The following RALB variants were observed in gnomAD, a reference collection of about 807,000 sequenced individuals.
RALB encodes RAS like proto-oncogene B.
RALB carries 16 observed loss-of-function variants against 21.3 expected under a neutral mutation model. The observed-to-expected ratio is 0.75, with a 90% confidence interval of 0.51 to 1.14. The LOEUF is 1.14. Ranked by LOEUF, RALB falls within the 50% of genes most tolerant of loss-of-function variation. The pLI, the probability that RALB is intolerant of heterozygous loss-of-function variation, is 0.00. For missense variants in RALB, 161 were observed against 256.2 expected (o/e 0.63, Z 2.54); for synonymous variants, 93 against 96.1 (o/e 0.97, Z 0.19).
At chr2:120,280,497 C>G (rs1429262665) in intron 2 of RALB, among the ~76,000 whole-genome samples, 2 of 121,748 alleles carry the variant, frequency 1.6e-5, no homozygotes, top group East Asian at 5.1e-4. Flanking sequence ...GGGAGTTGAA[C>G]AATGAGAACG....
chr2:120,246,541 C>G (rs1190885658), intron 1 of RALB, among the ~76,000 whole-genome samples: 4 of 152,262 alleles, frequency 2.6e-5, no homozygotes, highest in South Asian at 2.1e-4. Flanking sequence ...TCCTCCTCCC[C>G]CTTCCTAACT....
chr2:120,287,401 T>C (rs182643917), intron 3 of RALB, among the ~76,000 whole-genome samples: 2 of 152,366 alleles, frequency 1.3e-5, no homozygotes, highest in East Asian at 3.9e-4. Context: ...GTTCTGTTAA[T>C]TTTTAGACAT....
rs919895453 is a variant in RALB, at chr2:120,252,985, G to A, written c.-48+5G>A. On this transcript the variant is annotated splice_donor_5th_base_variant and intron_variant, in intron 1 of 4. Transcript: ENST00000272519. ...AGGCGGCGGGACTGGTCCCTGGTAA[G>A]GGCGCGGCGCCCGCGGGCCCCGGGC... is the stretch of plus-strand genomic sequence containing the variant. 27 of 985,198 alleles carry A rather than the reference G, an allele frequency of 2.7e-5. No homozygotes were observed. The East Asian group carries it at 5.7e-4, about 21-fold the overall frequency. The allele number at this position is 985,198 out of a possible 1,614,324, so 61.0% of individuals were successfully genotyped here.
At chr2:120,254,360 C>G (rs999084683) in intron 1 of RALB, among the ~76,000 whole-genome samples, 3 of 152,370 alleles carry the variant, frequency 2.0e-5, no homozygotes, top group African/African-American at 7.2e-5. Flanking sequence ...CTGACCACAT[C>G]TGGGGCTTTC....
At chr2:120,292,992 C>A in intron 4 of RALB, 149 bp from the exon 5 acceptor site, 2 of 767,114 alleles carry the variant, frequency 2.6e-6, no homozygotes, top group Non-Finnish European at 3.7e-6. Flanking sequence ...TGACTTTGTG[C>A]TTTAAAATGT....
chr2:120,278,523 G>C, intron 1 of RALB, 95 bp from the exon 2 acceptor site: 1 of 1,170,600 alleles, frequency 8.5e-7, no homozygotes, highest in Middle Eastern at 2.1e-4. Flanking sequence ...GGAATGTCTG[G>C]GTTAGTTAGG....
chr2:120,253,541 C>T, intron 1 of RALB: 1 of 985,662 alleles, frequency 1.0e-6, no homozygotes. Context: ...GGCGAAGGGG[C>T]TTCTAAGGGG....
At chr2:120,253,168 C>A in intron 1 of RALB, 188 bp downstream of exon 1, 1 of 359,692 alleles carries the variant, frequency 2.8e-6, no homozygotes, top group Non-Finnish European at 3.9e-6. Flanking sequence ...TCCGGGAGGA[C>A]TCCCTGGGGG....
upstream of RALB, among the ~76,000 whole-genome samples, chr2:120,248,794 C>G (rs916904519): frequency 3.9e-5 from 6 of 152,050 alleles, no homozygotes. Context: ...ACCTCAGCCT[C>G]CCTGGTAGCT....
intron 1 of RALB, among the ~76,000 whole-genome samples, chr2:120,277,205 G>T (rs1689818278): frequency 6.6e-6 from 1 of 152,202 alleles, no homozygotes; most frequent in Admixed American, 6.5e-5. Flanking sequence ...AGAGGGATGT[G>T]TGGGGCTGTG....
intron 1 of RALB, among the ~76,000 whole-genome samples, chr2:120,269,085 T>C (rs74498317): frequency 6.6e-6 from 1 of 152,350 alleles, no homozygotes; most frequent in East Asian, 1.9e-4. Flanking sequence ...TTCTTTTCAA[T>C]AGCTGGATAA....
At chr2:120,263,284 T>C (rs1405454836) in intron 1 of RALB, among the ~76,000 whole-genome samples, 1 of 151,946 alleles carries the variant, frequency 6.6e-6, no homozygotes, top group Non-Finnish European at 1.5e-5. Context: ...TCCTCCCACC[T>C]CAGCCTCCTG....
upstream of RALB, among the ~76,000 whole-genome samples, chr2:120,250,233 T>G (rs983561467): frequency 1.3e-5 from 2 of 152,200 alleles, no homozygotes; most frequent in Non-Finnish European, 2.9e-5. Context: ...CATCGTAGTG[T>G]CTTCAAACCA....
intron 1 of RALB, chr2:120,253,767 G>A (rs1428503156): frequency 1.0e-6 from 1 of 961,012 alleles, no homozygotes; most frequent in African/African-American, 1.8e-5. Context: ...GTGCCTGGCG[G>A]ACTGAATGAA....
chr2:120,274,489 C>A (rs112849104), intron 1 of RALB, among the ~76,000 whole-genome samples: 1 of 152,186 alleles, frequency 6.6e-6, no homozygotes, highest in Non-Finnish European at 1.5e-5. Flanking sequence ...GCCCTGAGGT[C>A]GTCAAGAGAA....
chr2:120,274,609 G>A (rs1235354606), intron 1 of RALB, among the ~76,000 whole-genome samples: 1 of 152,106 alleles, frequency 6.6e-6, no homozygotes, highest in Non-Finnish European at 1.5e-5. Context: ...TTTAAATATA[G>A]GAAGGTATAG....
At chr2:120,283,128 G>T (rs1216097456) in intron 2 of RALB, among the ~76,000 whole-genome samples, 1 of 152,156 alleles carries the variant, frequency 6.6e-6, no homozygotes, top group Non-Finnish European at 1.5e-5. Context: ...GGCAGCTCCT[G>T]CCTGAGAGAT....
chr2:120,253,571 C>T (rs1183680156), intron 1 of RALB: 2 of 985,518 alleles, frequency 2.0e-6, no homozygotes, highest in South Asian at 4.7e-5. Flanking sequence ...GACTGGGCAT[C>T]GCCGTCCCGG....
In RALB at chr2:120,257,511, A is replaced by AT. The variant is rs5833821; in HGVS notation, c.-48+4541dup. The stretch of plus-strand genomic sequence containing the variant: ...CATCTCTGAAAATTCTATGATCCTT[A>AT]TTTTTTTTTTATAACGAATATCCTT... On this transcript the variant is annotated intron_variant, in intron 1 of 4. Transcript: ENST00000272519. Among the ~76,000 whole-genome samples the AT allele has an allele frequency of 3.4e-4, 51 of 151,554 alleles. 2 individuals are homozygous for AT. Among genetic ancestry groups the AT allele is most frequent in the Middle Eastern group, 3.4e-3 (1 of 294 alleles).
Sources: allele counts gnomAD v4.1 joint callset (sites outside exome capture counted in the v4.1 genomes callset), GRCh38; gene constraint gnomAD v4.1.1; transcripts MANE v1.5; gene names NCBI Gene and HGNC (gene_info 2026-07-23, HGNC 2026-07-21).